The following SENP7 variants were observed in gnomAD, a reference collection of about 807,000 sequenced individuals.
SENP7 encodes the protein SUMO specific peptidase 7.
SENP7 carries 64 observed loss-of-function variants against 141.2 expected under a neutral mutation model. The observed-to-expected ratio is 0.45, with a 90% CI of 0.37 to 0.56. The LOEUF (loss-of-function observed/expected upper bound fraction) is 0.56. Ranked by LOEUF, SENP7 falls within the 20% of genes least tolerant of loss-of-function variation. The pLI is 0.00. For synonymous variants in SENP7, 382 were observed against 426.4 expected (o/e 0.90, Z 1.28); for missense variants, 1,025 against 1,212.2 (o/e 0.85, Z 2.29).
chr3:101,355,877 G>A (rs13080825), intron 11 of SENP7, among the ~76,000 whole-genome samples: 4 of 152,030 alleles, frequency 2.6e-5, no homozygotes, highest in Non-Finnish European at 2.9e-5. Flanking sequence ...GTGTCATACT[G>A]ATTTCTTGGA....
At chr3:101,477,380 C>T (rs2064260923) in intron 3 of SENP7, among the ~76,000 whole-genome samples, 2 of 152,016 alleles carry the variant, frequency 1.3e-5, no homozygotes, top group African/African-American at 2.4e-5. Flanking sequence ...AATCAAGAAA[C>T]ATCTTGAAAC....
intron 4 of SENP7, among the ~76,000 whole-genome samples, chr3:101,443,713 T>C (rs948168688): frequency 2.2e-5 from 3 of 133,720 alleles, no homozygotes; most frequent in African/African-American, 8.9e-5. Context: ...TTTGAAGCAA[T>C]TGTGAATGCG....
intron 5 of SENP7, among the ~76,000 whole-genome samples, chr3:101,417,376 T>A (rs1367755226): frequency 6.6e-6 from 1 of 152,200 alleles, no homozygotes; most frequent in Non-Finnish European, 1.5e-5. Context: ...TACTCGTTTT[T>A]AAATATAATT....
intron 2 of SENP7, 109 bp from the exon 3 acceptor site, chr3:101,494,077 A>G: frequency 1.9e-6 from 1 of 522,058 alleles, no homozygotes; most frequent in East Asian, 3.0e-5. Flanking sequence ...TAACTGTTTT[A>G]AGGAGTTTTA....
chr3:101,463,364 AATATATATATAT>A (rs71625265), intron 3 of SENP7, among the ~76,000 whole-genome samples: 136 of 89,222 alleles, frequency 1.5e-3, no homozygotes, highest in Non-Finnish European at 2.2e-3. Context: ...TAAATAAATA[AATATATATATAT>A]ATATATATAT....
At chr3:101,411,204 C>G (rs1164492494) in intron 5 of SENP7, among the ~76,000 whole-genome samples, 1 of 152,128 alleles carries the variant, frequency 6.6e-6, no homozygotes, top group Non-Finnish European at 1.5e-5. Flanking sequence ...TAGCATAATT[C>G]CTGGCACATA....
intron 3 of SENP7, among the ~76,000 whole-genome samples, chr3:101,467,945 A>T (rs1281870239): frequency 6.6e-6 from 1 of 152,232 alleles, no homozygotes. Flanking sequence ...ATCGCAAGGA[A>T]GCTAAAAACC....
chr3:101,344,857 G>A (rs2059414092), intron 13 of SENP7, among the ~76,000 whole-genome samples: 1 of 151,966 alleles, frequency 6.6e-6, no homozygotes. Context: ...AAGAAAGGTA[G>A]TTGGCCAGGC....
At chr3:101,463,466 C>G (rs1368824148) in intron 3 of SENP7, among the ~76,000 whole-genome samples, 1 of 139,050 alleles carries the variant, frequency 7.2e-6, no homozygotes, top group African/African-American at 2.7e-5. Flanking sequence ...AGCAAGAATT[C>G]TACTTGAAAT....
intron 6 of SENP7, among the ~76,000 whole-genome samples, chr3:101,396,479 G>T (rs2060972227): frequency 6.6e-6 from 1 of 151,338 alleles, no homozygotes; most frequent in African/African-American, 2.4e-5. Flanking sequence ...TTGACTTAAA[G>T]CTCAATCATC....
At chr3:101,500,122 A>C (rs573336181) in intron 2 of SENP7, among the ~76,000 whole-genome samples, 14 of 152,300 alleles carry the variant, frequency 9.2e-5, no homozygotes, top group African/African-American at 3.1e-4. Context: ...GTTAAATGCT[A>C]TAACTATATA....
chr3:101,416,145 G>A (rs2061613601), intron 5 of SENP7, among the ~76,000 whole-genome samples: 1 of 152,128 alleles, frequency 6.6e-6, no homozygotes, highest in Non-Finnish European at 1.5e-5. Context: ...CTGGAGCTGA[G>A]GAAAGAGGTC....
At chr3:101,369,913 A>G (rs999265729) in intron 7 of SENP7, among the ~76,000 whole-genome samples, 1 of 152,220 alleles carries the variant, frequency 6.6e-6, no homozygotes, top group African/African-American at 2.4e-5. Context: ...AAACAAAAGA[A>G]TACTAAGTAT....
chr3:101,362,571 G>A (rs182919803), intron 10 of SENP7, among the ~76,000 whole-genome samples: 2 of 152,240 alleles, frequency 1.3e-5, no homozygotes, highest in Admixed American at 1.3e-4. Flanking sequence ...CTGTCACCCA[G>A]ATAATACCCA....
Position 101,493,746 on chromosome 3 carries a change from T to A in SENP7, c.186+127A>T, listed in dbSNP as rs547365864. 1.5e-5 allele frequency: 8 copies of A among 519,622 alleles called. No individual in the cohort carries two copies. In the East Asian group the frequency reaches 2.0e-4, roughly 13 times the overall value. The allele number at this position is 519,622 out of a possible 1,614,324, so 32.2% of individuals were successfully genotyped here. On this transcript the variant is annotated intron_variant, in intron 3 of 23. Coordinates refer to ENST00000394095, the MANE Select transcript of SENP7 (RefSeq NM_020654.5). ...AACATGCCAAAAATGAACTAAAATC[T>A]GCAATTAAATAACACAAGAAAACCA...
In SENP7 at chr3:101,458,958, T is replaced by A; in HGVS notation, c.281A>T (p.Glu94Val). 1 of 1,589,438 alleles carries A rather than the reference T, an allele frequency of 6.3e-7. No homozygotes were observed. The highest frequency in any genetic ancestry group is 8.6e-7 in the Non-Finnish European group (1 of 1,159,424). Reference protein sequence around the residue: ...GCPVTSKSSPERQLKVMLTNV... With the variant: ...GCPVTSKSSPVRQLKVMLTNV... ...GTCGCACACACACATATCTTACCTT[T>A]CTGGTGATGACTTGGAAGTAACAGG... The change falls in exon 4 of 24, where the codon GAA becomes GTA. Residue 94 changes from glutamate to valine, a missense_variant. Around this residue, in one of 4 missense-constraint regions of SENP7, gnomAD observed 496 missense variants for 503.5 expected, o/e 0.99. Coordinates refer to ENST00000394095, the MANE Select transcript of SENP7 (RefSeq NM_020654.5).
chr3:101,371,994 T>C lies in SENP7; in HGVS notation c.796+14A>G. ...AAAAATTCAAATTCCAACAGTTTTC[T>C]AAGGTTCACAAACCTTCAGGCTGAG... is the stretch of plus-strand genomic sequence containing the variant. On this transcript the variant is annotated intron_variant, in intron 7 of 23. Transcript: ENST00000394095. 8.3e-7 allele frequency: 1 copy of C among 1,211,648 alleles called. No individual in the cohort carries two copies. Among genetic ancestry groups the C allele is most frequent in the Non-Finnish European group, 1.1e-6 (1 of 890,682 alleles). 75.1% of individuals were successfully genotyped at this position (1,211,648 alleles called of 1,614,324 possible). A position where few individuals can be genotyped will look rare whatever the true frequency, so the allele number is the denominator to read the frequency against.
intron 11 of SENP7, 142 bp from the exon 12 acceptor site, chr3:101,351,793 A>G: frequency 1.6e-6 from 1 of 618,992 alleles, no homozygotes; most frequent in Non-Finnish European, 2.4e-6. Context: ...CCAATAAAAT[A>G]TTTCACTACA....
chr3:101,397,098 C>T (rs111779825), intron 6 of SENP7, among the ~76,000 whole-genome samples: 373 of 152,346 alleles, frequency 2.4e-3, no homozygotes, highest in African/African-American at 7.6e-3. Context: ...CCGCCTCAGC[C>T]TCCCAAAGTG....
Sources: gnomAD v4.1 joint callset for allele counts (sites outside exome capture counted in the v4.1 genomes callset) on GRCh38, gnomAD v4.1.1 for gene constraint, gnomAD v4.1.1 regional missense constraint, MANE v1.5 for transcripts, NCBI Gene and HGNC (gene_info 2026-07-23, HGNC 2026-07-21) for gene names.